Variants in ITGBL1 observed in about 807,000 individuals in gnomAD.
ITGBL1 encodes the protein integrin subunit beta like 1, also known as integrin beta-like protein 1.
ITGBL1 carries 51 observed loss-of-function variants against 68.5 expected under a neutral mutation model. The observed-to-expected ratio is 0.74, with a 90% CI of 0.59 to 0.94. The LOEUF (loss-of-function observed/expected upper bound fraction) is 0.94. Among genes scored for constraint, ITGBL1 ranks in the 40% least tolerant of loss-of-function variants. ITGBL1 has a pLI of 0.00. For missense variants in ITGBL1, 649 were observed against 647.4 expected, an observed-to-expected ratio of 1.00 and a Z score of -0.03; for synonymous variants, 209 against 227.3, an observed-to-expected ratio of 0.92 and a Z score of 0.72.
At chr13:101,656,923 C>G (rs917933281) in intron 7 of ITGBL1, among the ~76,000 whole-genome samples, 1 of 151,222 alleles carries the variant, frequency 6.6e-6, no homozygotes, top group Non-Finnish European at 1.5e-5. Flanking sequence ...AGACTGTGTT[C>G]CCAGTATTGC....
At chr13:101,696,238 T>C (rs892998) in intron 8 of ITGBL1, among the ~76,000 whole-genome samples, 150,948 of 152,308 alleles carry the variant, frequency 0.99, 74,814 homozygotes, top group East Asian at 1. Flanking sequence ...TCAAAGGAGA[T>C]TGGTGGCAAG....
intron 2 of ITGBL1, among the ~76,000 whole-genome samples, chr13:101,559,080 T>G (rs2050058743): frequency 6.6e-6 from 1 of 152,218 alleles, no homozygotes; most frequent in South Asian, 2.1e-4. Context: ...TTTAGTAGCA[T>G]TAATGCAAAC....
chr13:101,591,169 C>A (rs1452523412), intron 6 of ITGBL1, among the ~76,000 whole-genome samples: 3 of 152,170 alleles, frequency 2.0e-5, no homozygotes, highest in Admixed American at 2.0e-4. Flanking sequence ...TTCCAAAGTG[C>A]TGGGATTATG....
intron 2 of ITGBL1, among the ~76,000 whole-genome samples, chr13:101,556,988 C>A (rs1350661242): frequency 6.6e-6 from 1 of 152,158 alleles, no homozygotes; most frequent in Admixed American, 6.5e-5. Flanking sequence ...GCAAGTCATA[C>A]AAGCAGAATT....
At chr13:101,671,908 A>G (rs1022399867) in intron 7 of ITGBL1, among the ~76,000 whole-genome samples, 1 of 152,196 alleles carries the variant, frequency 6.6e-6, no homozygotes, top group Non-Finnish European at 1.5e-5. Flanking sequence ...AACTGGAAAT[A>G]TTGGCTATAT....
At chr13:101,649,897 G>A (rs1196236277) in intron 7 of ITGBL1, among the ~76,000 whole-genome samples, 1 of 152,096 alleles carries the variant, frequency 6.6e-6, no homozygotes, top group Non-Finnish European at 1.5e-5. Context: ...TTTTCAAGAA[G>A]CTCTCAGGGC....
intron 6 of ITGBL1, 43 bp downstream of exon 6, chr13:101,583,399 G>A (rs1459442798): frequency 4.2e-6 from 6 of 1,417,788 alleles, no homozygotes; most frequent in Non-Finnish European, 5.5e-6. Context: ...GGGGGAGGTG[G>A]GGCTTGTTAA....
At chr13:101,692,003 T>C (rs1348653334) in intron 7 of ITGBL1, among the ~76,000 whole-genome samples, 1 of 152,158 alleles carries the variant, frequency 6.6e-6, no homozygotes, top group South Asian at 2.1e-4. Flanking sequence ...TGCAAAAATA[T>C]TTATAATTTT....
intron 8 of ITGBL1, among the ~76,000 whole-genome samples, chr13:101,693,458 CTTTTA>C (rs1055887393): frequency 3.3e-5 from 5 of 152,064 alleles, no homozygotes; most frequent in East Asian, 3.9e-4. Flanking sequence ...TCTTTTCTAA[CTTTTA>C]TTTTAAGTTC....
At chr13:101,602,545 A>G (rs1341359366) in intron 7 of ITGBL1, among the ~76,000 whole-genome samples, 1 of 152,016 alleles carries the variant, frequency 6.6e-6, no homozygotes. Context: ...ATTTAATTTT[A>G]TGTTGCGTTT....
chr13:101,606,630 T>A (rs2030875706), intron 7 of ITGBL1, among the ~76,000 whole-genome samples: 1 of 152,054 alleles, frequency 6.6e-6, no homozygotes, highest in South Asian at 2.1e-4. Flanking sequence ...TAAAGTTAAT[T>A]TGCATCACAT....
At chr13:101,565,980 C>A (rs1466982900) in intron 2 of ITGBL1, among the ~76,000 whole-genome samples, 1 of 152,006 alleles carries the variant, frequency 6.6e-6, no homozygotes, top group Non-Finnish European at 1.5e-5. Context: ...TCCTTTGACC[C>A]ACAAATTATT....
chr13:101,692,754 G>C (rs752515727), intron 8 of ITGBL1, 53 bp downstream of exon 8: 40 of 1,117,046 alleles, frequency 3.6e-5, no homozygotes, highest in Non-Finnish European at 5.4e-5. Flanking sequence ...TGCTTTACCT[G>C]CCTTTGTTAT....
At chr13:101,714,588 A>T in intron 10 of ITGBL1, 37 bp downstream of exon 10, 1 of 1,202,706 alleles carries the variant, frequency 8.3e-7, no homozygotes, top group East Asian at 2.3e-5. Flanking sequence ...TCTATGCCAC[A>T]GTTTGTTATA....
chr13:101,611,088 G>T (rs542963034), intron 7 of ITGBL1, among the ~76,000 whole-genome samples: 2 of 152,238 alleles, frequency 1.3e-5, no homozygotes, highest in South Asian at 4.1e-4. Context: ...GACAGCCTGG[G>T]GGGAAATATG....
At chr13:101,639,817 A>G (rs920619964) in intron 7 of ITGBL1, among the ~76,000 whole-genome samples, 3 of 152,188 alleles carry the variant, frequency 2.0e-5, no homozygotes, top group Admixed American at 6.6e-5. Flanking sequence ...AGATCATCCA[A>G]TTATCAGAAT....
At chr13:101,552,020 T>G (rs974148) in intron 2 of ITGBL1, among the ~76,000 whole-genome samples, 121,235 of 152,006 alleles carry the variant, frequency 0.8, 48,401 homozygotes, top group African/African-American at 0.84. Context: ...CGAAGTGATT[T>G]CCACCACTGT....
At chr13:101,550,286 A>G (rs932271941) in intron 2 of ITGBL1, among the ~76,000 whole-genome samples, 3 of 152,180 alleles carry the variant, frequency 2.0e-5, no homozygotes, top group African/African-American at 7.2e-5. Context: ...GAAAAAGAGT[A>G]TATTTATAGC....
intron 7 of ITGBL1, among the ~76,000 whole-genome samples, chr13:101,667,892 T>A (rs1322119416): frequency 7.7e-6 from 1 of 130,432 alleles, no homozygotes; most frequent in Non-Finnish European, 1.6e-5. Context: ...AAATGACACT[T>A]AAAAGTGTAA....
Sources: allele counts gnomAD v4.1 joint callset (sites outside exome capture counted in the v4.1 genomes callset), GRCh38; gene constraint gnomAD v4.1.1; transcripts MANE v1.5; gene names NCBI Gene and HGNC (gene_info 2026-07-23, HGNC 2026-07-21).